UIMC1: variants seen among roughly 807,000 people sequenced by gnomAD.
The protein encoded by UIMC1 is BRCA1-A complex subunit RAP80.
Under a neutral mutation model 84.9 loss-of-function variants are expected in UIMC1, and 42 were observed. That is an observed-to-expected ratio of 0.49 (90% confidence interval 0.39 to 0.64). The LOEUF (loss-of-function observed/expected upper bound fraction) is 0.64, where lower values mean the gene tolerates loss of function less well. Among genes scored for constraint, UIMC1 ranks in the 30% least tolerant of loss-of-function variants. The pLI, the probability that UIMC1 is intolerant of heterozygous loss-of-function variation, is 0.00. For synonymous variants in UIMC1, 281 were observed against 293.0 expected, an observed-to-expected ratio of 0.96 and a Z score of 0.42; for missense variants, 825 against 847.6, an observed-to-expected ratio of 0.97 and a Z score of 0.33.
chr5:176,906,935 G>A (rs1429613230), intron 13 of UIMC1, among the ~76,000 whole-genome samples, 179 bp downstream of exon 13: 1 of 152,202 alleles, frequency 6.6e-6, no homozygotes, highest in South Asian at 2.1e-4. Context: ...GGATGAAAAA[G>A]ACAGCATATT....
chr5:177,001,397 C>G (rs1317039959), intron 1 of UIMC1: 3 of 152,036 alleles, frequency 2.0e-5, no homozygotes, highest in Non-Finnish European at 4.4e-5. Context: ...AATCAAAGAT[C>G]TAAATAAGTA....
intron 8 of UIMC1, 140 bp downstream of exon 8, chr5:176,955,819 G>T: frequency 3.0e-6 from 2 of 659,604 alleles, no homozygotes; most frequent in Non-Finnish European, 5.2e-6. Context: ...ATACGCATAC[G>T]AGTGTTGAGA....
intron 8 of UIMC1, 83 bp downstream of exon 8, chr5:176,955,876 T>C: frequency 2.2e-6 from 3 of 1,346,006 alleles, no homozygotes; most frequent in Non-Finnish European, 3.2e-6. Context: ...AGAGAGTAGG[T>C]TTGAAGAGTC....
chr5:177,013,228 GT>G (rs1775593740), intron 1 of UIMC1, among the ~76,000 whole-genome samples: 1 of 151,590 alleles, frequency 6.6e-6, no homozygotes, highest in South Asian at 2.1e-4. Context: ...GGGCTTGGTG[GT>G]GCACATCTGT....
intron 8 of UIMC1, among the ~76,000 whole-genome samples, chr5:176,952,941 C>T (rs375366757): frequency 6.6e-6 from 1 of 152,152 alleles, no homozygotes; most frequent in East Asian, 1.9e-4. Flanking sequence ...GTGTACCCCC[C>T]GAACTTCGTA....
chr5:176,948,181 G>A (rs972578179), intron 9 of UIMC1, among the ~76,000 whole-genome samples: 8 of 152,184 alleles, frequency 5.3e-5, no homozygotes, highest in African/African-American at 1.9e-4. Flanking sequence ...CCAACTAAGG[G>A]AAACTCTCAG....
chr5:176,977,219 G>A (rs1358985850), intron 2 of UIMC1, among the ~76,000 whole-genome samples: 3 of 121,944 alleles, frequency 2.5e-5, no homozygotes, highest in African/African-American at 3.6e-5. Flanking sequence ...GTAAGATTCT[G>A]TCTCAAAAAA....
intron 10 of UIMC1, among the ~76,000 whole-genome samples, chr5:176,921,771 T>C (rs936098423): frequency 1.3e-5 from 2 of 152,176 alleles, no homozygotes; most frequent in East Asian, 3.8e-4. Flanking sequence ...TCTCCTCAAT[T>C]CCATTTTTGC....
intron 9 of UIMC1, among the ~76,000 whole-genome samples, chr5:176,944,276 T>C (rs1021041842): frequency 9.2e-5 from 14 of 152,270 alleles, no homozygotes; most frequent in Middle Eastern, 3.2e-3. Context: ...AAATAATTCA[T>C]TAGTTAAAAT....
Position 176,973,424 on chromosome 5 carries a change from A to AG in UIMC1, c.232+1971dup, listed in dbSNP as rs578187543. On this transcript the variant is annotated intron_variant, in intron 3 of 14. Transcript: ENST00000511320. ...GATGGCAGTGGTTAGAGGGAAAAATAGTCTAAAAAGGCACCTCAGGAGAGT... is the reference window on the plus strand; with the variant it reads ...GATGGCAGTGGTTAGAGGGAAAAATAGGTCTAAAAAGGCACCTCAGGAGAGT... Among the ~76,000 whole-genome samples, 407 of 152,180 alleles carry AG rather than the reference A, an allele frequency of 2.7e-3. 1 individual carries two copies. Among genetic ancestry groups the AG allele is most frequent in the Non-Finnish European group, 4.4e-3 (300 of 67,996 alleles).
chr5:176,996,297 G>C (rs192561725), intron 1 of UIMC1, among the ~76,000 whole-genome samples: 23 of 152,276 alleles, frequency 1.5e-4, no homozygotes, highest in Admixed American at 1.4e-3. Flanking sequence ...AAGAGGAAGA[G>C]AAATTACTGG....
At chr5:177,008,171 C>T (rs910309134), upstream of UIMC1, among the ~76,000 whole-genome samples, 3 of 151,866 alleles carry the variant, frequency 2.0e-5, no homozygotes, top group Non-Finnish European at 4.4e-5. Context: ...GTAGGGTAAT[C>T]GAACGTGGAA....
chr5:176,985,295 A>C (rs1318567277), intron 1 of UIMC1, among the ~76,000 whole-genome samples: 1 of 152,034 alleles, frequency 6.6e-6, no homozygotes, highest in Admixed American at 6.6e-5. Context: ...GTCTCTACTA[A>C]AAATACAAAC....
At chr5:176,952,114 T>C (rs778481471) in intron 8 of UIMC1, among the ~76,000 whole-genome samples, 16 of 152,228 alleles carry the variant, frequency 1.1e-4, no homozygotes, top group Non-Finnish European at 1.5e-4. Context: ...TTCCATTGTA[T>C]AGATATATCA....
Position 176,905,240 on chromosome 5 carries a change from C to T in UIMC1, c.*42G>A. On this transcript the variant is annotated 3_prime_UTR_variant, in exon 15 of 15. Coordinates refer to ENST00000511320, the MANE Select transcript of UIMC1 (RefSeq NM_001199298.2). The stretch of plus-strand genomic sequence containing the variant: ...CTATGGCTTAATGAACATGGCCCAC[C>T]CCTCCTACTAATGGTTTTGTCAACT... 1 of 1,602,214 alleles carries T rather than the reference C, an allele frequency of 6.2e-7. No homozygotes were observed. Among genetic ancestry groups the T allele is most frequent in the Non-Finnish European group, 8.5e-7 (1 of 1,171,978 alleles).
At chr5:177,005,471 C>T (rs1228262352) in intron 1 of UIMC1, among the ~76,000 whole-genome samples, 1 of 151,876 alleles carries the variant, frequency 6.6e-6, no homozygotes, top group Non-Finnish European at 1.5e-5. Flanking sequence ...CCTGATACTT[C>T]ATTTTCCATT....
Position 176,969,093 on chromosome 5 carries a change from G to A in UIMC1, c.662C>T (p.Thr221Ile). Residue 221 changes from threonine to isoleucine, a missense_variant, in exon 6 of 15, where the codon ACT (threonine) becomes ATT (isoleucine). Thr to Ile is a moderately conservative substitution (Grantham distance 89, BLOSUM62 -1). Transcript: ENST00000511320. ...NVNVKSFDRC[T>I]GHSAEHTQCG... ...CTGTGTGTGCTCAGCCGAGTGGCCA[G>A]TACATCTGTCAAAAGATTTAACGTT... 6.2e-7 allele frequency: 1 copy of A among 1,614,198 alleles called. No individual in the cohort carries two copies. The highest frequency in any genetic ancestry group is 1.6e-4 in the Middle Eastern group (1 of 6,062).
At chr5:176,957,521 T>C (rs1766753811) in intron 7 of UIMC1, among the ~76,000 whole-genome samples, 1 of 152,208 alleles carries the variant, frequency 6.6e-6, no homozygotes, top group Non-Finnish European at 1.5e-5. Flanking sequence ...GCAAATACCA[T>C]CCTTTACAGG....
rs201884334 is a variant in UIMC1, at chr5:176,980,334, G to GTCCATCCA, written c.147+2127_147+2134dup. 201 of 149,536 alleles carry GTCCATCCA rather than the reference G, an allele frequency of 1.3e-3. 2 individuals are homozygous for GTCCATCCA. The highest frequency in any genetic ancestry group is 4.6e-3 in the African/African-American group (188 of 40,532). The allele number at this position is 149,536 out of a possible 1,614,324, so 9.3% of individuals were successfully genotyped here. ...CGTCCATCCGTCCATCCGTCCATCCGTCCATCCATCCATCCATCCATCCGC... is the reference window on the plus strand; with the variant it reads ...CGTCCATCCGTCCATCCGTCCATCCGTCCATCCATCCATCCATCCATCCATCCATCCGC... On this transcript the variant is annotated intron_variant, in intron 2 of 14. Transcript: ENST00000511320.
Sources: gnomAD v4.1 joint callset for allele counts (sites outside exome capture counted in the v4.1 genomes callset) on GRCh38, gnomAD v4.1.1 for gene constraint, MANE v1.5 for transcripts, NCBI Gene and HGNC (gene_info 2026-07-23, HGNC 2026-07-21) for gene names.